RPH3A: variants seen among roughly 807,000 people sequenced by gnomAD.
RPH3A encodes rabphilin-3A.
In RPH3A, 48 loss-of-function variants were observed where a neutral mutation model predicts 102.2. The observed-to-expected ratio is 0.47, with a 90% CI of 0.37 to 0.60. The LOEUF (loss-of-function observed/expected upper bound fraction) is 0.60. Among genes scored for constraint, RPH3A ranks in the 20% least tolerant of loss-of-function variants. The pLI is 0.00. For missense variants in RPH3A, 781 were observed against 910.1 expected, an observed-to-expected ratio of 0.86 and a Z score of 1.83; for synonymous variants, 310 against 324.3, an observed-to-expected ratio of 0.96 and a Z score of 0.47.
At chr12:112,656,128 C>T (rs1319147827) in intron 1 of RPH3A, among the ~76,000 whole-genome samples, 1 of 152,174 alleles carries the variant, frequency 6.6e-6, no homozygotes, top group African/African-American at 2.4e-5. Flanking sequence ...ATGATGCAGC[C>T]ACAAGTCTTG....
At chr12:112,749,755 C>T (rs1236892734) in intron 1 of RPH3A, among the ~76,000 whole-genome samples, 2 of 152,176 alleles carry the variant, frequency 1.3e-5, no homozygotes, top group African/African-American at 2.4e-5. Flanking sequence ...TTAATGTCTG[C>T]CTTCTTTAAA....
At position 112,898,206 on chromosome 12, in the gene RPH3A, T is replaced by C. The variant is rs1234435538; in HGVS notation, c.*1426T>C. 2.0e-5 allele frequency: 3 copies of C among 152,196 alleles called. No individual in the cohort carries two copies. Among genetic ancestry groups the C allele is most frequent in the Non-Finnish European group, 4.4e-5 (3 of 68,032 alleles). The allele number at this position is 152,196 out of a possible 1,614,324, so 9.4% of individuals were successfully genotyped here. ...GGCTCATCATCAATCTTTCACTTTC[T>C]TCCTATAAAAAAAATTATTTTATAA... On this transcript the variant is annotated 3_prime_UTR_variant, in exon 22 of 22. Transcript: ENST00000389385.
At chr12:112,804,011 T>C (rs568906544) in intron 2 of RPH3A, among the ~76,000 whole-genome samples, 1 of 152,350 alleles carries the variant, frequency 6.6e-6, no homozygotes, top group South Asian at 2.1e-4. Context: ...ACATGCAAGT[T>C]GTTTGTTATT....
At chr12:112,812,800 T>C (rs2041602299) in intron 2 of RPH3A, among the ~76,000 whole-genome samples, 2 of 152,216 alleles carry the variant, frequency 1.3e-5, no homozygotes, top group Non-Finnish European at 2.9e-5. Context: ...CTACTGTCTA[T>C]GGTGCTGAAC....
chr12:112,582,888 T>C (rs1034005175), intron 1 of RPH3A, among the ~76,000 whole-genome samples: 1 of 152,270 alleles, frequency 6.6e-6, no homozygotes, highest in Admixed American at 6.5e-5. Context: ...TGCATATCTT[T>C]GTTCATGAAT....
At chr12:112,759,401 C>T (rs1383824873) in intron 1 of RPH3A, among the ~76,000 whole-genome samples, 1 of 152,158 alleles carries the variant, frequency 6.6e-6, no homozygotes, top group Non-Finnish European at 1.5e-5. Context: ...GCCTTCGTTT[C>T]CTGGTTTGGA....
chr12:112,617,357 G>T (rs1008213365), intron 1 of RPH3A, among the ~76,000 whole-genome samples: 2 of 152,144 alleles, frequency 1.3e-5, no homozygotes, highest in Admixed American at 1.3e-4. Context: ...TCCCCAAATG[G>T]CCACCCTTGT....
In RPH3A at chr12:112,680,900, C is replaced by T. The variant is rs2040221684; in HGVS notation, c.-140+105581C>T. On this transcript the variant is annotated intron_variant, in intron 1 of 21. Transcript: ENST00000543106. ...TTCTTTCTCCTTTTCTTTCTCTTCCCTTCCTCTTCTTCTCCTCTGTCTTCC... is the reference window on the plus strand; with the variant it reads ...TTCTTTCTCCTTTTCTTTCTCTTCCTTTCCTCTTCTTCTCCTCTGTCTTCC... 2.6e-5 allele frequency among the ~76,000 whole-genome samples: 4 copies of T among 151,876 alleles called. No individual in the cohort carries two copies. The South Asian group carries it at 8.3e-4, about 31-fold the overall frequency.
chr12:112,600,914 A>G (rs1292434213), intron 1 of RPH3A, among the ~76,000 whole-genome samples: 1 of 152,196 alleles, frequency 6.6e-6, no homozygotes, highest in Non-Finnish European at 1.5e-5. Context: ...GAAACTTACA[A>G]TCATGGTGGA....
At chr12:112,579,970 A>ACTCTCT (rs2039385096) in intron 1 of RPH3A, among the ~76,000 whole-genome samples, 1 of 151,898 alleles carries the variant, frequency 6.6e-6, no homozygotes, top group Non-Finnish European at 1.5e-5. Context: ...TATTTCATTC[A>ACTCTCT]CTCTCTCACT....
chr12:112,888,702 C>A (rs1239361748), intron 17 of RPH3A, among the ~76,000 whole-genome samples: 1 of 152,204 alleles, frequency 6.6e-6, no homozygotes, highest in Non-Finnish European at 1.5e-5. Flanking sequence ...GTGATTCTTG[C>A]TCTTTGAGAA....
rs148798230 is a variant in RPH3A at position 112,786,152 on chromosome 12, C to G, written c.-139-5991C>G. Among the ~76,000 whole-genome samples, 25 of 152,254 alleles carry G rather than the reference C, an allele frequency of 1.6e-4. No individual in the cohort carries two copies. In the East Asian group the frequency reaches 4.4e-3, roughly 27 times the overall value. On this transcript the variant is annotated intron_variant, in intron 1 of 21. Coordinates refer to the RPH3A transcript ENST00000543106. ...CTCCAAGTATCAGAGAAGGCAAGTC[C>G]AAGTTCCCTTCCCCTGGCAGAGCCT... is the stretch of plus-strand genomic sequence containing the variant.
At chr12:112,804,535 G>A (rs768951806) in intron 2 of RPH3A, among the ~76,000 whole-genome samples, 2 of 152,234 alleles carry the variant, frequency 1.3e-5, no homozygotes, top group African/African-American at 2.4e-5. Flanking sequence ...AGCCTGGGAT[G>A]TATGTGTGCA....
intron 1 of RPH3A, among the ~76,000 whole-genome samples, chr12:112,693,230 G>A (rs771371355): frequency 6.6e-6 from 1 of 152,178 alleles, no homozygotes; most frequent in Non-Finnish European, 1.5e-5. Context: ...GATGTATTGT[G>A]ACCCATTGGA....
intron 1 of RPH3A, among the ~76,000 whole-genome samples, chr12:112,699,066 A>G (rs2040373654): frequency 6.6e-6 from 1 of 151,996 alleles, no homozygotes; most frequent in Non-Finnish European, 1.5e-5. Context: ...GACGACAGGC[A>G]TGTGTCACCA....
intron 3 of RPH3A, among the ~76,000 whole-genome samples, chr12:112,830,943 ATTTACAGATAC>A (rs1047252178): frequency 3.6e-4 from 55 of 152,038 alleles, no homozygotes; most frequent in African/African-American, 1.3e-3. Flanking sequence ...TGATTTTACC[ATTTACAGATAC>A]TGTAATTATC....
At chr12:112,874,836 G>A (rs2042766438) in intron 10 of RPH3A, 3 of 488,860 alleles carry the variant, frequency 6.1e-6, no homozygotes, top group East Asian at 7.1e-5. Context: ...ACGTCACACA[G>A]GTGGAAGGAG....
chr12:112,785,178 C>T (rs1410244221), intron 1 of RPH3A, among the ~76,000 whole-genome samples: 1 of 151,102 alleles, frequency 6.6e-6, no homozygotes, highest in Middle Eastern at 3.4e-3. Flanking sequence ...GCCGAGATTG[C>T]GCCATTGAAC....
Position 112,828,496 on chromosome 12 carries a change from GA to G in RPH3A, c.71+108del, listed in dbSNP as rs1727001008. The G allele has an allele frequency of 3.8e-6, 3 of 795,898 alleles. No homozygotes were observed. The East Asian group carries it at 8.1e-5, about 22-fold the overall frequency. 49.3% of individuals were successfully genotyped at this position (795,898 alleles called of 1,614,324 possible). A position where few individuals can be genotyped will look rare whatever the true frequency, so the allele number is the denominator to read the frequency against. On this transcript the variant is annotated intron_variant, in intron 3 of 21. Coordinates refer to ENST00000389385, the MANE Select transcript of RPH3A (RefSeq NM_001143854.2). ...ATAGCTTCCTTCCCTGAGGAAGGGG[GA>G]GAGGAACCTAATGGGAGTTTAGTCA...
Sources: allele counts gnomAD v4.1 joint callset (sites outside exome capture counted in the v4.1 genomes callset), GRCh38; gene constraint gnomAD v4.1.1; transcripts MANE v1.5; gene names NCBI Gene and HGNC (gene_info 2026-07-23, HGNC 2026-07-21).